Variants in IL1RAPL1 observed in about 807,000 individuals in gnomAD.
IL1RAPL1 encodes the protein interleukin 1 receptor accessory protein like 1.
IL1RAPL1 carries 3 observed loss-of-function variants against 48.4 expected under a neutral mutation model. The ratio of observed to expected loss-of-function variants is 0.06; its 90% CI spans 0.03 to 0.16. The LOEUF is 0.16. Among genes scored for constraint, IL1RAPL1 ranks in the 10% least tolerant of loss-of-function variants. The pLI, the probability that IL1RAPL1 is intolerant of heterozygous loss-of-function variation, is 1.00. For synonymous variants in IL1RAPL1, 185 were observed against 187.7 expected, an observed-to-expected ratio of 0.99 and a Z score of 0.12; for missense variants, 349 against 530.6, an observed-to-expected ratio of 0.66 and a Z score of 3.36.
chrX:29,458,954 C>T (rs2147732397), intron 5 of IL1RAPL1, among the ~76,000 whole-genome samples: 1 of 112,023 alleles, frequency 8.9e-6, no homozygotes, highest in East Asian at 2.8e-4. Context: ...CACAACTATT[C>T]ACAGTCATGC....
At chrX:29,478,380 G>C (rs928318661) in intron 5 of IL1RAPL1, among the ~76,000 whole-genome samples, 1 of 111,628 alleles carries the variant, frequency 9.0e-6, no homozygotes, top group Admixed American at 9.5e-5. Context: ...AAATTCTGCC[G>C]TGTAGTTCAG....
At chrX:29,002,757 A>G (rs1925885951) in intron 2 of IL1RAPL1, among the ~76,000 whole-genome samples, 1 of 112,040 alleles carries the variant, frequency 8.9e-6, no homozygotes, top group African/African-American at 3.2e-5. Context: ...AAGGTGGAAG[A>G]CTGATTAAAA....
At chrX:28,825,850 G>T (rs1225021923) in intron 2 of IL1RAPL1, among the ~76,000 whole-genome samples, 1 of 111,080 alleles carries the variant, frequency 9.0e-6, no homozygotes, top group Non-Finnish European at 1.9e-5. Context: ...TAAACATATG[G>T]ATGGTTCAAG....
chrX:29,916,176 T>A (rs1932799539), intron 6 of IL1RAPL1, among the ~76,000 whole-genome samples: 1 of 101,934 alleles, frequency 9.8e-6, no homozygotes, highest in East Asian at 3.2e-4. Flanking sequence ...TGGTTCCAAG[T>A]CTTTGCTATT....
intron 5 of IL1RAPL1, among the ~76,000 whole-genome samples, chrX:29,476,998 A>G (rs1376142127): frequency 9.8e-6 from 1 of 102,209 alleles, no homozygotes; most frequent in Non-Finnish European, 2.0e-5. Context: ...CTCCTGCCTC[A>G]GCCTCCCGAG....
intron 2 of IL1RAPL1, among the ~76,000 whole-genome samples, chrX:29,158,063 C>T (rs1045229722): frequency 9.0e-6 from 1 of 111,056 alleles, no homozygotes; most frequent in East Asian, 2.8e-4. Context: ...TAATTTCTTA[C>T]CTTGAGTCCT....
Position 29,789,208 on chromosome X carries a change from G to T in IL1RAPL1, c.778+120704G>T, listed in dbSNP as rs752944634. ...AAGAAATTATCTTTTGAGTGCGTGT[G>T]TTAGCTTTGAAAAAATACATTCACA... On this transcript the variant is annotated intron_variant, in intron 6 of 10. Transcript: ENST00000378993. 8.9e-5 allele frequency among the ~76,000 whole-genome samples: 10 copies of T among 111,899 alleles called. No individual in the cohort carries two copies. The South Asian group carries it at 1.5e-3, about 17-fold the overall frequency.
At chrX:28,871,095 G>A (rs904988375) in intron 2 of IL1RAPL1, among the ~76,000 whole-genome samples, 3 of 111,689 alleles carry the variant, frequency 2.7e-5, no homozygotes, top group Admixed American at 1.9e-4. Flanking sequence ...GGTTTTAGTC[G>A]GAGTTTATCC....
chrX:28,950,835 C>T (rs1369480824), intron 2 of IL1RAPL1, among the ~76,000 whole-genome samples: 68 of 107,974 alleles, frequency 6.3e-4, no homozygotes, highest in East Asian at 4.5e-3. Flanking sequence ...ATGTTTATTG[C>T]GGCACTATTC....
intron 5 of IL1RAPL1, among the ~76,000 whole-genome samples, chrX:29,435,703 C>T (rs937716083): frequency 1.8e-5 from 2 of 110,916 alleles, no homozygotes; most frequent in African/African-American, 6.5e-5. Context: ...TTCTCTATTA[C>T]ATTTACGAAA....
At chrX:29,145,422 C>G (rs1167083633) in intron 2 of IL1RAPL1, among the ~76,000 whole-genome samples, 1 of 112,338 alleles carries the variant, frequency 8.9e-6, no homozygotes, top group Non-Finnish European at 1.9e-5. Context: ...GGCAAACAGC[C>G]TTATATGTTG....
chrX:29,274,451 T>C (rs747059477), intron 2 of IL1RAPL1, among the ~76,000 whole-genome samples: 1 of 112,552 alleles, frequency 8.9e-6, no homozygotes, highest in Non-Finnish European at 1.9e-5. Context: ...ACACAAGCTG[T>C]GTGTGTCTAA....
At chrX:29,478,932 T>C (rs1935006573) in intron 5 of IL1RAPL1, among the ~76,000 whole-genome samples, 1 of 111,065 alleles carries the variant, frequency 9.0e-6, no homozygotes, top group South Asian at 3.8e-4. Flanking sequence ...TTATTTTGCT[T>C]CATCCTACTT....
chrX:28,837,170 T>C (rs1921243576), intron 2 of IL1RAPL1, among the ~76,000 whole-genome samples: 1 of 111,540 alleles, frequency 9.0e-6, no homozygotes, highest in Admixed American at 9.6e-5. Flanking sequence ...TTACCTCACA[T>C]ACTTAATATC....
At chrX:28,660,311 C>T (rs867614459) in intron 1 of IL1RAPL1, among the ~76,000 whole-genome samples, 2 of 110,583 alleles carry the variant, frequency 1.8e-5, no homozygotes, top group Non-Finnish European at 3.8e-5. Context: ...TTTGTTACAC[C>T]TGTTTCTTCT....
At chrX:28,723,442 C>T (rs1353751408) in intron 1 of IL1RAPL1, among the ~76,000 whole-genome samples, 5 of 110,420 alleles carry the variant, frequency 4.5e-5, no homozygotes, top group Non-Finnish European at 7.6e-5. Flanking sequence ...TGGTGATATC[C>T]CCTTTATCAT....
intron 2 of IL1RAPL1, among the ~76,000 whole-genome samples, chrX:29,220,313 AG>A (rs1302271922): frequency 8.9e-6 from 1 of 112,690 alleles, no homozygotes; most frequent in African/African-American, 3.2e-5. Context: ...TTGAAGTAAA[AG>A]ATATTTACAT....
chrX:29,454,581 C>G (rs1053929288), intron 5 of IL1RAPL1, among the ~76,000 whole-genome samples: 2 of 111,387 alleles, frequency 1.8e-5, no homozygotes, highest in African/African-American at 6.5e-5. Flanking sequence ...AAATTTATAA[C>G]AGCAGAAGAA....
chrX:29,422,780 G>C (rs1442427962), intron 5 of IL1RAPL1, among the ~76,000 whole-genome samples: 1 of 111,209 alleles, frequency 9.0e-6, no homozygotes, highest in Non-Finnish European at 1.9e-5. Flanking sequence ...TCCTCCCTCT[G>C]TTGCATTAAA....
Sources: gnomAD v4.1 joint callset for allele counts (sites outside exome capture counted in the v4.1 genomes callset) on GRCh38, gnomAD v4.1.1 for gene constraint, MANE v1.5 for transcripts, NCBI Gene and HGNC (gene_info 2026-07-23, HGNC 2026-07-21) for gene names.